Variants in CCDC171 observed in about 807,000 individuals in gnomAD.
CCDC171 encodes the protein coiled-coil domain containing 171.
A neutral mutation model predicts 168.2 loss-of-function variants in CCDC171; 177 were observed. The observed-to-expected ratio is 1.05, with a 90% CI of 0.93 to 1.19. The LOEUF (loss-of-function observed/expected upper bound fraction) is 1.19, where lower values mean the gene tolerates loss of function less well. CCDC171 is among the 50% of genes most tolerant of loss of function. The pLI, the probability that CCDC171 is intolerant of heterozygous loss-of-function variation, is 0.00. For missense variants in CCDC171, 1,991 were observed against 1,539.0 expected (o/e 1.29, Z -4.91); for synonymous variants, 687 against 540.8 (o/e 1.27, Z -3.75).
chr9:15,966,599 T>C (rs888895974), intron 25 of CCDC171, among the ~76,000 whole-genome samples: 1 of 152,198 alleles, frequency 6.6e-6, no homozygotes, highest in African/African-American at 2.4e-5. Context: ...TTCTACCTCT[T>C]TTTTCTGATT....
At chr9:15,885,377 A>G (rs1819253537) in intron 24 of CCDC171, 2 of 152,310 alleles carry the variant, frequency 1.3e-5, no homozygotes, top group Admixed American at 6.5e-5. Context: ...TTGATGCTTT[A>G]TCTTTTTGTT....
chr9:16,051,399 C>T (rs1833747476), intron 1 of CCDC171, among the ~76,000 whole-genome samples: 1 of 152,166 alleles, frequency 6.6e-6, no homozygotes, highest in South Asian at 2.1e-4. Flanking sequence ...GCTATCCTCT[C>T]TCTCCCTGAC....
intron 18 of CCDC171, 112 bp from the exon 19 acceptor site, chr9:15,777,488 G>A (rs2057389262): frequency 3.2e-6 from 2 of 618,412 alleles, no homozygotes; most frequent in Admixed American, 3.3e-5. Flanking sequence ...AATTACTACA[G>A]GTGAATGGGA....
intron 18 of CCDC171, among the ~76,000 whole-genome samples, chr9:15,771,641 A>ATCAT: frequency 6.6e-6 from 1 of 152,284 alleles, no homozygotes; most frequent in East Asian, 1.9e-4. Context: ...ATAGTTTAAA[A>ATCAT]TTATTAATCA....
chr9:15,593,493 A>G (rs908816754), intron 5 of CCDC171, among the ~76,000 whole-genome samples: 3 of 152,110 alleles, frequency 2.0e-5, no homozygotes, highest in Middle Eastern at 3.2e-3. Flanking sequence ...AATTTTTAAC[A>G]TTCTAGAGTT....
chr9:15,927,568 A>C, intron 25 of CCDC171, among the ~76,000 whole-genome samples: 1 of 151,798 alleles, frequency 6.6e-6, no homozygotes, highest in East Asian at 1.9e-4. Flanking sequence ...ATTTATGAGT[A>C]AATAATAAAT....
At chr9:15,574,276 C>T (rs2040460735) in intron 3 of CCDC171, among the ~76,000 whole-genome samples, 1 of 152,110 alleles carries the variant, frequency 6.6e-6, no homozygotes, top group Non-Finnish European at 1.5e-5. Flanking sequence ...TCCTGCGTAG[C>T]TGGGATTACA....
At chr9:16,001,479 G>C (rs999896220) in intron 3 of CCDC171, among the ~76,000 whole-genome samples, 1 of 152,052 alleles carries the variant, frequency 6.6e-6, no homozygotes, top group Non-Finnish European at 1.5e-5. Context: ...GTGGGCGGGG[G>C]TAGGGAGTTA....
intron 11 of CCDC171, among the ~76,000 whole-genome samples, chr9:15,719,122 A>G (rs1449780893): frequency 2.0e-5 from 3 of 151,714 alleles, no homozygotes; most frequent in African/African-American, 7.3e-5. Context: ...TATCAGATAA[A>G]TTTAACAAAG....
downstream of CCDC171, among the ~76,000 whole-genome samples, chr9:16,064,562 G>T (rs1353597360): frequency 6.6e-6 from 1 of 152,178 alleles, no homozygotes; most frequent in Non-Finnish European, 1.5e-5. Context: ...TTTAGGGCCT[G>T]TCAAGATCTG....
intron 3 of CCDC171, among the ~76,000 whole-genome samples, chr9:16,017,242 G>T (rs1381103232): frequency 6.6e-6 from 1 of 151,720 alleles, no homozygotes; most frequent in African/African-American, 2.4e-5. Context: ...CATTTTTATT[G>T]GTATATTGAC....
At chr9:15,978,191 G>A (rs942243004), downstream of CCDC171, among the ~76,000 whole-genome samples, 4 of 152,164 alleles carry the variant, frequency 2.6e-5, no homozygotes, top group African/African-American at 7.2e-5. Context: ...AAATGCTTCT[G>A]TGGTTACAGA....
the CCDC171 span, among the ~76,000 whole-genome samples, chr9:16,085,303 A>C: frequency 2.2e-3 from 329 of 152,366 alleles, no homozygotes; most frequent in Non-Finnish European, 3.5e-3. Flanking sequence ...TCAGAGAAGT[A>C]GAGTCTTACG....
chr9:15,845,879 C>G (rs1011251321), intron 21 of CCDC171, among the ~76,000 whole-genome samples: 1 of 152,072 alleles, frequency 6.6e-6, no homozygotes, highest in Non-Finnish European at 1.5e-5. Context: ...AAATACTTCT[C>G]TCAATTGTGA....
chr9:15,817,593 A>G (rs2136049149), intron 21 of CCDC171, among the ~76,000 whole-genome samples: 1 of 118,492 alleles, frequency 8.4e-6, no homozygotes, highest in South Asian at 2.8e-4. Context: ...AGCCTCGCTC[A>G]TTGCTAGCAC....
At chr9:15,653,117 T>C (rs977474693) in intron 7 of CCDC171, among the ~76,000 whole-genome samples, 1 of 152,166 alleles carries the variant, frequency 6.6e-6, no homozygotes, top group Non-Finnish European at 1.5e-5. Flanking sequence ...CTAGTGGTTT[T>C]TTGTTGTTGT....
chr9:16,006,069 C>A (rs1012812338), intron 3 of CCDC171, among the ~76,000 whole-genome samples: 1 of 151,792 alleles, frequency 6.6e-6, no homozygotes, highest in Non-Finnish European at 1.5e-5. Context: ...ACCATTTTGA[C>A]CAGGCTGGTC....
intron 21 of CCDC171, among the ~76,000 whole-genome samples, chr9:15,805,596 A>T (rs1272113377): frequency 6.6e-6 from 1 of 152,098 alleles, no homozygotes; most frequent in Non-Finnish European, 1.5e-5. Flanking sequence ...TGATAACACT[A>T]GTCTGAGAGA....
chr9:15,638,885 G>C (rs1247618745), intron 7 of CCDC171, among the ~76,000 whole-genome samples: 1 of 152,054 alleles, frequency 6.6e-6, no homozygotes, highest in East Asian at 1.9e-4. Context: ...TTTACAACTA[G>C]GGGAGTTTAT....
Sources: allele counts gnomAD v4.1 joint callset (sites outside exome capture counted in the v4.1 genomes callset), GRCh38; gene constraint gnomAD v4.1.1; transcripts MANE v1.5; gene names NCBI Gene and HGNC (gene_info 2026-07-23, HGNC 2026-07-21).